MAP3K14: variants seen among roughly 807,000 people sequenced by gnomAD.
MAP3K14 encodes mitogen-activated protein kinase kinase kinase 14.
Under a neutral mutation model 99.2 loss-of-function variants are expected in MAP3K14, and 16 were observed. The observed-to-expected ratio is 0.16, with a 90% CI of 0.11 to 0.24. The LOEUF is 0.24. MAP3K14 is among the 10% of genes least tolerant of loss of function. The pLI, the probability that MAP3K14 is intolerant of heterozygous loss-of-function variation, is 1.00. For missense variants in MAP3K14, 784 were observed against 1,208.7 expected, an observed-to-expected ratio of 0.65 and a Z score of 5.21; for synonymous variants, 462 against 492.4, an observed-to-expected ratio of 0.94 and a Z score of 0.82.
chr17:45,274,178 G>A lies in MAP3K14; in HGVS notation c.1497C>T (p.Ala499=). Residue 499 remains alanine (A), a synonymous_variant, in exon 8 of 16, where the codon GCC becomes GCT. Coordinates refer to ENST00000344686, the MANE Select transcript of MAP3K14 (RefSeq NM_003954.5). Reference sequence around the variant, plus strand: ...AGTGGAGGTATTCCAGACCCTCCAGGGCCTGGCCCAGGTAGTACAGGGCCC... The same window carrying A: ...AGTGGAGGTATTCCAGACCCTCCAGAGCCTGGCCCAGGTAGTACAGGGCCC... ...EDRALYYLGQ[A]LEGLEYLHSR... 1 of 1,603,674 alleles carries A rather than the reference G, an allele frequency of 6.2e-7. No individual in the cohort carries two copies. The highest frequency in any genetic ancestry group is 8.5e-7 in the Non-Finnish European group (1 of 1,175,056).
rs1423285725 is a variant in MAP3K14 at position 45,266,584 on chromosome 17, A to G, written c.2531T>C (p.Met844Thr). 4 of 1,613,722 alleles carry G rather than the reference A, an allele frequency of 2.5e-6. No homozygotes were observed. The highest frequency in any genetic ancestry group is 1.3e-5 in the African/African-American group (1 of 75,010). Residue 844 changes from methionine to threonine, a missense_variant, in exon 14 of 16, where the codon ATG (methionine) becomes ACG (threonine). This residue lies in a region of MAP3K14 where 130 missense variants were observed against 220.4 expected (regional missense o/e 0.59). Transcript: ENST00000344686. ...GGTGGGCCGCCCCCGGGCCAGCACC[A>G]TGTTCCAGCTGGAGCTTCGAGCCTC... The part of the protein sequence containing the change: ...QAEARSSSWN[M>T]VLARGRPTDT...
At chr17:45,290,002 G>C (rs1274152726) in intron 2 of MAP3K14, among the ~76,000 whole-genome samples, 2 of 152,234 alleles carry the variant, frequency 1.3e-5, no homozygotes, top group Non-Finnish European at 2.9e-5. Flanking sequence ...GACCAGACTA[G>C]GTCTCACCCT....
chr17:45,312,825 C>G (rs1396160810), intron 1 of MAP3K14, among the ~76,000 whole-genome samples: 3 of 152,180 alleles, frequency 2.0e-5, no homozygotes. Context: ...GGGTGGTGAG[C>G]TGGGGATGCC....
intron 1 of MAP3K14, among the ~76,000 whole-genome samples, chr17:45,300,273 C>T (rs1028801634): frequency 3.9e-5 from 6 of 152,172 alleles, no homozygotes; most frequent in African/African-American, 7.2e-5. Context: ...GCAATTCCCT[C>T]GCATCTATTC....
chr17:45,274,834 A>G (rs934292596), intron 6 of MAP3K14, among the ~76,000 whole-genome samples: 41 of 152,362 alleles, frequency 2.7e-4, no homozygotes, highest in African/African-American at 9.1e-4. Context: ...GTGCAAAAAC[A>G]GCCACATAAA....
chr17:45,287,475 C>A, intron 3 of MAP3K14, 111 bp from the exon 4 acceptor site: 1 of 888,292 alleles, frequency 1.1e-6, no homozygotes, highest in Non-Finnish European at 1.7e-6. Flanking sequence ...TCCCAGGTTG[C>A]CATTCCTTGT....
chr17:45,264,868 A>G, intron 15 of MAP3K14, 68 bp from the exon 16 acceptor site: 1 of 1,526,134 alleles, frequency 6.6e-7, no homozygotes, highest in Non-Finnish European at 8.9e-7. Context: ...AAAGGTAAAG[A>G]CATCTCCTTC....
At chr17:45,273,387 G>A in intron 9 of MAP3K14, 116 bp downstream of exon 9, 1 of 741,254 alleles carries the variant, frequency 1.3e-6, no homozygotes, top group Non-Finnish European at 2.3e-6. Flanking sequence ...TGGTTGCGGG[G>A]CTTAAACACA....
chr17:45,271,239 A>C lies in MAP3K14; in HGVS notation c.1658-18T>G. 6.3e-7 allele frequency: 1 copy of C among 1,587,270 alleles called. No individual in the cohort carries two copies. Among genetic ancestry groups the C allele is most frequent in the Non-Finnish European group, 8.5e-7 (1 of 1,171,844 alleles). ...GTAGTCCCCTGAGAAGGGGGATGAG[A>C]CATAAAGTTACCTGGAATGCTGATG... On this transcript the variant is annotated intron_variant, in intron 9 of 15. Transcript: ENST00000344686.
chr17:45,267,274 A>G lies in MAP3K14; in HGVS notation c.2327-76T>C. On this transcript the variant is annotated intron_variant, in intron 12 of 15. Coordinates refer to ENST00000344686, the MANE Select transcript of MAP3K14 (RefSeq NM_003954.5). The surrounding 1 kb of genome is among the most constrained non-coding windows in gnomAD (Gnocchi z 5.1). ...GTGTTTTCAGGGGTTCTTCCTGCAC[A>G]GTCGGTAGAAGCTGAGCTGCTGGGG... is the stretch of plus-strand genomic sequence containing the variant. The G allele has an allele frequency of 2.9e-6, 4 of 1,369,630 alleles. No homozygotes were observed. Among genetic ancestry groups the G allele is most frequent in the Non-Finnish European group, 4.1e-6 (4 of 981,302 alleles). 84.8% of individuals were successfully genotyped at this position (1,369,630 alleles called of 1,614,324 possible).
intron 1 of MAP3K14, among the ~76,000 whole-genome samples, chr17:45,300,868 T>A (rs969926725): frequency 1.3e-5 from 2 of 151,986 alleles, no homozygotes; most frequent in Non-Finnish European, 2.9e-5. Context: ...GAAAAAAGCA[T>A]AATCAAAAAT....
At chr17:45,274,616 G>A (rs764365476) in intron 6 of MAP3K14, 23 bp from the exon 7 acceptor site, 29 of 1,610,938 alleles carry the variant, frequency 1.8e-5, no homozygotes, top group Non-Finnish European at 1.4e-5. Context: ...AGAGGCAGCT[G>A]TTAAGACAGG....
intron 14 of MAP3K14, among the ~76,000 whole-genome samples, chr17:45,265,639 T>C (rs976925470): frequency 1.2e-4 from 18 of 152,282 alleles, no homozygotes; most frequent in South Asian, 8.3e-4. Flanking sequence ...GGTTTCACCA[T>C]GTTGGCCAGG....
At chr17:45,291,100 C>A in intron 1 of MAP3K14, 1 of 223,142 alleles carries the variant, frequency 4.5e-6, no homozygotes. Context: ...TATGATGGCT[C>A]GATCTTTTTC....
intron 1 of MAP3K14, among the ~76,000 whole-genome samples, chr17:45,303,043 C>G (rs562133831): frequency 6.6e-6 from 1 of 152,236 alleles, no homozygotes; most frequent in South Asian, 2.1e-4. Context: ...GTTACAGGCC[C>G]GTGCTAGTGC....
chr17:45,283,889 G>A (rs35272276), intron 6 of MAP3K14, among the ~76,000 whole-genome samples: 33 of 152,324 alleles, frequency 2.2e-4, no homozygotes, highest in African/African-American at 7.5e-4. Flanking sequence ...AGCTTTGACT[G>A]GGGACAAGGT....
intron 6 of MAP3K14, 33 bp from the exon 7 acceptor site, chr17:45,274,626 G>C (rs758930390): frequency 6.2e-7 from 1 of 1,608,230 alleles, no homozygotes; most frequent in Non-Finnish European, 8.5e-7. Flanking sequence ...GTTAAGACAG[G>C]GTGAGGGGAC....
At chr17:45,308,963 G>A (rs1409973006) in intron 1 of MAP3K14, among the ~76,000 whole-genome samples, 2 of 148,952 alleles carry the variant, frequency 1.3e-5, no homozygotes, top group Admixed American at 6.8e-5. Context: ...CACTGCGCCT[G>A]GCAATGTCCA....
chr17:45,307,587 G>C (rs2044439943), intron 1 of MAP3K14, among the ~76,000 whole-genome samples: 2 of 152,164 alleles, frequency 1.3e-5, no homozygotes, highest in Non-Finnish European at 2.9e-5. Flanking sequence ...TGAGCAAGAA[G>C]TTCCCTAGGC....
Sources: allele counts gnomAD v4.1 joint callset (sites outside exome capture counted in the v4.1 genomes callset), GRCh38; gene constraint gnomAD v4.1.1; regional missense constraint gnomAD v4.1.1; non-coding constraint Gnocchi (gnomAD v3.1); transcripts MANE v1.5; gene names NCBI Gene and HGNC (gene_info 2026-07-23, HGNC 2026-07-21).